Variants in TCF4 observed in about 807,000 individuals in gnomAD.
TCF4 encodes SL3-3 enhancer factor 2.
Under a neutral mutation model 82.1 loss-of-function variants are expected in TCF4, and 3 were observed. The observed-to-expected ratio is 0.04, with a 90% CI of 0.02 to 0.09. TCF4 has a LOEUF of 0.09. Among genes scored for constraint, TCF4 ranks in the 10% least tolerant of loss-of-function variants. TCF4 has a pLI of 1.00. For missense variants in TCF4, 518 were observed against 852.7 expected (o/e 0.61, Z 4.89); for synonymous variants, 276 against 309.6 (o/e 0.89, Z 1.14).
intron 6 of TCF4, among the ~76,000 whole-genome samples, chr18:55,368,181 T>C (rs2087777352): frequency 6.6e-6 from 1 of 152,194 alleles, no homozygotes; most frequent in Admixed American, 6.5e-5. Context: ...AGGTCAGGAA[T>C]TCGAGACCAG....
rs185356015 is a variant in TCF4 at position 55,417,874 on chromosome 18, G to T, written c.305-14356C>A. Among the ~76,000 whole-genome samples the T allele has an allele frequency of 4.8e-3, 735 of 152,054 alleles. 2 individuals carry two copies. The highest frequency in any genetic ancestry group is 0.027 in the Middle Eastern group (8 of 294). On this transcript the variant is annotated intron_variant, in intron 5 of 19. Coordinates refer to ENST00000354452, the MANE Select transcript of TCF4 (RefSeq NM_001083962.2). ...AACAAATGTTTTTATTTCTCCCAAA[G>T]AATTCTCGGGGGAGAACTGTACCTA...
intron 2 of TCF4, among the ~76,000 whole-genome samples, chr18:55,599,610 A>G (rs994475852): frequency 6.6e-6 from 1 of 152,196 alleles, no homozygotes; most frequent in African/African-American, 2.4e-5. Context: ...AGCCCCAGCT[A>G]CAAGGGAGTC....
At chr18:55,235,179 G>A (rs926590838) in intron 15 of TCF4, among the ~76,000 whole-genome samples, 1 of 151,848 alleles carries the variant, frequency 6.6e-6, no homozygotes, top group African/African-American at 2.4e-5. Context: ...CTCTGACAGC[G>A]GAAGCTACAG....
chr18:55,585,367 G>T lies in TCF4; in HGVS notation c.73-15C>A. On this transcript the variant is annotated splice_polypyrimidine_tract_variant and intron_variant, in intron 2 of 19. Transcript: ENST00000354452. Reference sequence around the variant, plus strand: ...GGTGAAAACATCTAAAAGAAACAAAGAAATATTACAGTTGAAAAGAAGACA... The same window carrying T: ...GGTGAAAACATCTAAAAGAAACAAATAAATATTACAGTTGAAAAGAAGACA... The T allele has an allele frequency of 6.2e-7, 1 of 1,611,564 alleles. No individual in the cohort carries two copies. Among genetic ancestry groups the T allele is most frequent in the Non-Finnish European group, 8.5e-7 (1 of 1,177,858 alleles).
In TCF4 at chr18:55,381,925, T is replaced by TAAAA. The variant is rs556808034; in HGVS notation, c.369+21525_369+21528dup. Among the ~76,000 whole-genome samples the TAAAA allele has an allele frequency of 6.5e-4, 98 of 150,780 alleles. 1 individual carries two copies. Among genetic ancestry groups the TAAAA allele is most frequent in the African/African-American group, 2.2e-3 (89 of 41,048 alleles). ...CTCTAGAAGGGTTTTTTTTTTTTTT[T>TAAAA]AAAAAAGGAAATTCTAAGTGATTTA... is the stretch of plus-strand genomic sequence containing the variant. On this transcript the variant is annotated intron_variant, in intron 6 of 19. Transcript: ENST00000354452.
At chr18:55,459,062 C>G (rs1369526621) in intron 5 of TCF4, among the ~76,000 whole-genome samples, 1 of 152,154 alleles carries the variant, frequency 6.6e-6, no homozygotes, top group Non-Finnish European at 1.5e-5. Flanking sequence ...TCACTGGGAA[C>G]AGTGGGTGGG....
chr18:55,588,606 CCT>C (rs2097675258), upstream of TCF4: 5 of 1,502,596 alleles, frequency 3.3e-6, no homozygotes, highest in Admixed American at 8.4e-5. Flanking sequence ...ACTCTCGTTC[CCT>C]CTCACTCACA....
At chr18:55,395,444 T>C (rs1241715943) in intron 6 of TCF4, among the ~76,000 whole-genome samples, 2 of 152,230 alleles carry the variant, frequency 1.3e-5, no homozygotes, top group Admixed American at 6.5e-5. Flanking sequence ...ATTTGGATAC[T>C]AGGAGTCCAT....
chr18:55,300,628 G>A (rs1040241505), intron 8 of TCF4, among the ~76,000 whole-genome samples: 1 of 152,234 alleles, frequency 6.6e-6, no homozygotes, highest in African/African-American at 2.4e-5. Flanking sequence ...ACAAACATGC[G>A]AAGGGCCTCA....
At chr18:55,295,358 G>A (rs1337190721) in intron 8 of TCF4, among the ~76,000 whole-genome samples, 1 of 152,128 alleles carries the variant, frequency 6.6e-6, no homozygotes, top group African/African-American at 2.4e-5. Context: ...TGATGATGAC[G>A]ATGATGGAAA....
intron 3 of TCF4, among the ~76,000 whole-genome samples, chr18:55,507,083 G>A (rs1266610482): frequency 2.6e-5 from 4 of 152,022 alleles, no homozygotes; most frequent in African/African-American, 7.2e-5. Context: ...GGCTGGTCTC[G>A]ATCTCTTGAC....
intron 17 of TCF4, chr18:55,232,276 C>G (rs1295934487): frequency 2.0e-6 from 1 of 493,784 alleles, no homozygotes; most frequent in Non-Finnish European, 3.6e-6. Context: ...AATTTTTTCA[C>G]TGTGTGTCAT....
intron 5 of TCF4, among the ~76,000 whole-genome samples, chr18:55,458,353 G>A (rs1178932077): frequency 2.0e-5 from 3 of 152,192 alleles, no homozygotes; most frequent in Non-Finnish European, 2.9e-5. Flanking sequence ...AAACACTTAT[G>A]CTAAAGTCTA....
In TCF4 at chr18:55,585,732, T is replaced by C. The variant is rs527622748; in HGVS notation, c.73-380A>G. On this transcript the variant is annotated intron_variant, in intron 2 of 19. Coordinates refer to ENST00000354452, the MANE Select transcript of TCF4 (RefSeq NM_001083962.2). Reference sequence around the variant, plus strand: ...TGTTTTATATTGAAAACCTTGGCCATAAACGTGGCAATGTCCATTTCCATC... The same window carrying C: ...TGTTTTATATTGAAAACCTTGGCCACAAACGTGGCAATGTCCATTTCCATC... 7 of 1,093,240 alleles carry C rather than the reference T, an allele frequency of 6.4e-6. No homozygotes were observed. In the African/African-American group the frequency reaches 8.1e-5, roughly 13 times the overall value. 67.7% of individuals were successfully genotyped at this position (1,093,240 alleles called of 1,614,324 possible).
intron 8 of TCF4, among the ~76,000 whole-genome samples, chr18:55,311,836 T>C (rs902885379): frequency 5.9e-5 from 9 of 152,186 alleles, no homozygotes; most frequent in Non-Finnish European, 2.9e-5. Flanking sequence ...TGCAGAAAAA[T>C]TTCTGAGGAA....
At chr18:55,313,903 G>C (rs2073335376) in intron 8 of TCF4, among the ~76,000 whole-genome samples, 1 of 152,014 alleles carries the variant, frequency 6.6e-6, no homozygotes, top group Non-Finnish European at 1.5e-5. Context: ...TTTCATCCCA[G>C]ATCTTCAATC....
At chr18:55,435,154 T>C (rs1603463695) in intron 5 of TCF4, among the ~76,000 whole-genome samples, 1 of 152,172 alleles carries the variant, frequency 6.6e-6, no homozygotes, top group Non-Finnish European at 1.5e-5. Context: ...CTGTAGCACC[T>C]TCTCTCAAAT....
intron 3 of TCF4, among the ~76,000 whole-genome samples, chr18:55,581,701 TC>T (rs2097576550): frequency 6.6e-6 from 1 of 152,078 alleles, no homozygotes; most frequent in Non-Finnish European, 1.5e-5. Context: ...TTTTTCCGCC[TC>T]AATGAATTCA....
rs77765312 is a variant in TCF4 at position 55,274,025 on chromosome 18, A to G, written c.789+1594T>C. On this transcript the variant is annotated intron_variant, in intron 10 of 19. Transcript: ENST00000354452. ...TTAATGTCAAATGGGCAACTCTTAA[A>G]AGAACTGAAATTCCAACATGCGGTA... 2.4e-3 allele frequency among the ~76,000 whole-genome samples: 372 copies of G among 152,276 alleles called. 2 individuals are homozygous for G. The highest frequency in any genetic ancestry group is 8.6e-3 in the African/African-American group (356 of 41,570).
Sources: gnomAD v4.1 joint callset for allele counts (sites outside exome capture counted in the v4.1 genomes callset) on GRCh38, gnomAD v4.1.1 for gene constraint, MANE v1.5 for transcripts, NCBI Gene and HGNC (gene_info 2026-07-23, HGNC 2026-07-21) for gene names.